Variants in RAI1 observed in about 807,000 individuals in gnomAD.
RAI1 encodes the protein retinoic acid-induced protein 1.
A neutral mutation model predicts 123.8 loss-of-function variants in RAI1; 9 were observed. That is an observed-to-expected ratio of 0.07 (90% CI 0.04 to 0.13). The LOEUF (loss-of-function observed/expected upper bound fraction) is 0.13, where lower values mean the gene tolerates loss of function less well. RAI1 is among the 10% of genes least tolerant of loss of function. The pLI, the probability that RAI1 is intolerant of heterozygous loss-of-function variation, is 1.00. For synonymous variants in RAI1, 1,231 were observed against 1,127.3 expected (o/e 1.09, Z -1.84); for missense variants, 2,256 against 2,545.8 (o/e 0.89, Z 2.45).
At chr17:17,715,330 G>A (rs368304821) in intron 1 of RAI1, among the ~76,000 whole-genome samples, 49 of 152,236 alleles carry the variant, frequency 3.2e-4, no homozygotes, top group African/African-American at 1.1e-3. Context: ...GCAGTGGTTT[G>A]GGCTCCACCC....
Position 17,809,497 on chromosome 17 carries a change from C to T in RAI1, c.5709+58C>T, listed in dbSNP as rs1187955511. 1.3e-6 allele frequency: 2 copies of T among 1,502,358 alleles called. No individual in the cohort carries two copies. The highest frequency in any genetic ancestry group is 1.9e-6 in the Non-Finnish European group (2 of 1,080,838). 93.1% of individuals were successfully genotyped at this position (1,502,358 alleles called of 1,614,324 possible). A position where few individuals can be genotyped will look rare whatever the true frequency, so the allele number is the denominator to read the frequency against. ...GTGTCAAGCGGGAGAGGAGCCCCACCTCGCACCTCCTTCACAGTCCCCTGG... is the reference window on the plus strand; with the variant it reads ...GTGTCAAGCGGGAGAGGAGCCCCACTTCGCACCTCCTTCACAGTCCCCTGG... On this transcript the variant is annotated intron_variant, in intron 5 of 5. Coordinates refer to ENST00000353383, the MANE Select transcript of RAI1 (RefSeq NM_030665.4). The surrounding 1 kb of genome is among the most constrained non-coding windows in gnomAD (Gnocchi z 4.9).
rs529394637 is a variant in RAI1, at chr17:17,795,930, G to T, written c.2982G>T (p.Arg994=). Residue 994 remains arginine (R), a synonymous_variant, in exon 3 of 6, where the codon CGG becomes CGT. Transcript: ENST00000353383. The surrounding 1 kb of genome is among the most constrained non-coding windows in gnomAD (Gnocchi z 5.9). ...TCGCAAAGAAAGAGCCTGTGCCACG[G>T]GGCAAAAGCTTACGGAGCCGTCGGG... ...APIAKKEPVP[R]GKSLRSRRVH... is the part of the protein sequence containing the mutation. 2.2e-5 allele frequency: 35 copies of T among 1,609,474 alleles called. No individual in the cohort carries two copies. In the East Asian group the frequency reaches 3.8e-4, roughly 17 times the overall value.
At position 17,800,252 on chromosome 17, in the gene RAI1, T is replaced by C. The variant is rs1277867620; in HGVS notation, c.5565+1739T>C. ...TCATTACTGGCTCCTTCCCAGCGCC[T>C]TGAAACAGGTTCAAGTCTCTCCCGT... On this transcript the variant is annotated intron_variant, in intron 3 of 5. Coordinates refer to ENST00000353383, the MANE Select transcript of RAI1 (RefSeq NM_030665.4). This position sits in a 1 kb window ranked among gnomAD's most constrained non-coding sequence, Gnocchi z 4.7. Among the ~76,000 whole-genome samples, 1 of 144,954 alleles carries C rather than the reference T, an allele frequency of 6.9e-6. No homozygotes were observed. Among genetic ancestry groups the C allele is most frequent in the Non-Finnish European group, 1.5e-5 (1 of 66,190 alleles).
At chr17:17,754,070 A>G (rs1001285769) in intron 2 of RAI1, among the ~76,000 whole-genome samples, 7 of 152,176 alleles carry the variant, frequency 4.6e-5, no homozygotes, top group African/African-American at 1.7e-4. Context: ...TGGTTGTACA[A>G]GTTGTACATT....
At chr17:17,758,146 C>T (rs1034898652) in intron 2 of RAI1, among the ~76,000 whole-genome samples, 1 of 152,216 alleles carries the variant, frequency 6.6e-6, no homozygotes, top group African/African-American at 2.4e-5. Flanking sequence ...TTTTACATAG[C>T]AACTGTTACC....
chr17:17,690,836 G>A (rs1467329202), intron 1 of RAI1, among the ~76,000 whole-genome samples: 1 of 152,186 alleles, frequency 6.6e-6, no homozygotes, highest in Non-Finnish European at 1.5e-5. Flanking sequence ...CTTAACTCCT[G>A]TAGCAAAGTC....
chr17:17,697,837 G>A (rs1291632879), intron 1 of RAI1, among the ~76,000 whole-genome samples: 1 of 152,214 alleles, frequency 6.6e-6, no homozygotes, highest in Non-Finnish European at 1.5e-5. Flanking sequence ...ATCCACAGCA[G>A]GTCACACGTT....
At position 17,800,567 on chromosome 17, in the gene RAI1, T is replaced by C. The variant is rs112519366; in HGVS notation, c.5565+2054T>C. Among the ~76,000 whole-genome samples, 7 of 152,224 alleles carry C rather than the reference T, an allele frequency of 4.6e-5. No homozygotes were observed. The highest frequency in any genetic ancestry group is 1.4e-4 in the African/African-American group (6 of 41,544). ...CGCCCATGCACACACAAGGTCCTGC[T>C]GGACTGAGGAGACAGTGTGTGTTGG... is the stretch of plus-strand genomic sequence containing the variant. On this transcript the variant is annotated intron_variant, in intron 3 of 5. Transcript: ENST00000353383. This position sits in a 1 kb window ranked among gnomAD's most constrained non-coding sequence, Gnocchi z 4.7.
chr17:17,794,279 A>C lies in RAI1; in HGVS notation c.1331A>C (p.Asn444Thr). 6.2e-7 allele frequency: 1 copy of C among 1,613,202 alleles called. No homozygotes were observed. The highest frequency in any genetic ancestry group is 8.5e-7 in the Non-Finnish European group (1 of 1,180,014). ...SLTALTSQVE[N>T]ISNTVQQLLL... The stretch of plus-strand genomic sequence containing the variant: ...ACGGCGCTGACCTCACAGGTGGAGA[A>C]CATCTCCAACACCGTCCAGCAGCTG... Residue 444 changes from asparagine to threonine, a missense_variant, in exon 3 of 6, where the codon AAC becomes ACC. Physicochemically the swap from Asn to Thr is moderately conservative, Grantham distance 65 (BLOSUM62 0). Coordinates refer to ENST00000353383, the MANE Select transcript of RAI1 (RefSeq NM_030665.4).
In RAI1 at chr17:17,794,112, C is replaced by T. The variant is rs2032137195; in HGVS notation, c.1164C>T (p.Asp388=). Residue 388 remains aspartate (D), a synonymous_variant, in exon 3 of 6, where the codon GAC becomes GAT. Coordinates refer to ENST00000353383, the MANE Select transcript of RAI1 (RefSeq NM_030665.4). ...STGAFPAGIT[D]HSHFMPLLNP... is the part of the protein sequence containing the mutation. ...GGGCCTTCCCCGCAGGGATCACTGA[C>T]CACAGCCACTTCATGCCCCTGCTCA... 1 of 1,613,992 alleles carries T rather than the reference C, an allele frequency of 6.2e-7. No individual in the cohort carries two copies. The highest frequency in any genetic ancestry group is 8.5e-7 in the Non-Finnish European group (1 of 1,180,058).
intron 2 of RAI1, among the ~76,000 whole-genome samples, chr17:17,783,578 T>G (rs1255538566): frequency 1.3e-5 from 2 of 152,144 alleles, no homozygotes; most frequent in Non-Finnish European, 2.9e-5. Flanking sequence ...CACCCTGCGC[T>G]GCTCCCCGTC....
In RAI1 at chr17:17,796,933, C is replaced by T. The variant is rs775032757; in HGVS notation, c.3985C>T (p.Leu1329=). The T allele has an allele frequency of 1.6e-5, 26 of 1,613,452 alleles. No individual in the cohort carries two copies. Among genetic ancestry groups the T allele is most frequent in the Non-Finnish European group, 2.2e-5 (26 of 1,180,050 alleles). ...ACCCCGGAAGGGCCGGGGCCTGAAG[C>T]TGGAAGCCATCGTGCAGAAGATCAC... The part of the protein sequence containing the change: ...LPPRKGRGLK[L]EAIVQKITSP... Residue 1329 remains leucine, a synonymous_variant, in exon 3 of 6, where the codon CTG becomes TTG. Coordinates refer to ENST00000353383, the MANE Select transcript of RAI1 (RefSeq NM_030665.4). The surrounding 1 kb of genome is among the most constrained non-coding windows in gnomAD (Gnocchi z 5.8).
At chr17:17,780,880 C>T (rs1214782835) in intron 2 of RAI1, among the ~76,000 whole-genome samples, 1 of 152,222 alleles carries the variant, frequency 6.6e-6, no homozygotes, top group Non-Finnish European at 1.5e-5. Context: ...CCCTGTCTCT[C>T]CCCTTCTGGG....
In RAI1 at chr17:17,757,529, C is replaced by T. The variant is rs149460820; in HGVS notation, c.-17+33370C>T. Among the ~76,000 whole-genome samples, 216 of 152,296 alleles carry T rather than the reference C, an allele frequency of 1.4e-3. 1 individual carries two copies. The highest frequency in any genetic ancestry group is 5.0e-3 in the African/African-American group (207 of 41,562). On this transcript the variant is annotated intron_variant, in intron 2 of 5. Transcript: ENST00000353383. The stretch of plus-strand genomic sequence containing the variant: ...GCTCCACCTTCCCCCTCGGGCACTG[C>T]GGCTTTCTTGGGACAGCAGGACCCC...
chr17:17,744,303 G>A (rs1390368911), intron 2 of RAI1, among the ~76,000 whole-genome samples: 1 of 152,180 alleles, frequency 6.6e-6, no homozygotes, highest in East Asian at 1.9e-4. Context: ...AAGAGCCTCA[G>A]TCTGCTGTTC....
Position 17,809,085 on chromosome 17 carries a change from G to C in RAI1, c.5660-305G>C, listed in dbSNP as rs970844507. On this transcript the variant is annotated intron_variant, in intron 4 of 5. Coordinates refer to ENST00000353383, the MANE Select transcript of RAI1 (RefSeq NM_030665.4). This position sits in a 1 kb window ranked among gnomAD's most constrained non-coding sequence, Gnocchi z 4.9. Reference sequence around the variant, plus strand: ...ACAAGTGTGGCTGGCAGAGTAAGGCGGGAGGGAGGGAGGGACTGAGGGACT... The same window carrying C: ...ACAAGTGTGGCTGGCAGAGTAAGGCCGGAGGGAGGGAGGGACTGAGGGACT... 1.1e-5 allele frequency: 5 copies of C among 468,018 alleles called. No individual in the cohort carries two copies. Among genetic ancestry groups the C allele is most frequent in the South Asian group, 8.4e-5 (4 of 47,382 alleles). 29.0% of individuals were successfully genotyped at this position (468,018 alleles called of 1,614,324 possible).
intron 1 of RAI1, chr17:17,684,436 A>G (rs1235324131): frequency 6.6e-6 from 1 of 152,068 alleles, no homozygotes; most frequent in Non-Finnish European, 1.5e-5. Context: ...AATTTGAAAA[A>G]AACAAGCCTA....
At chr17:17,803,141 C>T (rs1197436656) in intron 3 of RAI1, among the ~76,000 whole-genome samples, 1 of 151,534 alleles carries the variant, frequency 6.6e-6, no homozygotes. Flanking sequence ...ACACCACGCC[C>T]AGCACACCAG....
At chr17:17,693,260 G>A (rs1197716307) in intron 1 of RAI1, among the ~76,000 whole-genome samples, 1 of 152,124 alleles carries the variant, frequency 6.6e-6, no homozygotes, top group Non-Finnish European at 1.5e-5. Context: ...CATGAAACCA[G>A]GGCATCATTC....
Sources: gnomAD v4.1 joint callset for allele counts (sites outside exome capture counted in the v4.1 genomes callset) on GRCh38, gnomAD v4.1.1 for gene constraint, Gnocchi (gnomAD v3.1) non-coding constraint, MANE v1.5 for transcripts, NCBI Gene and HGNC (gene_info 2026-07-23, HGNC 2026-07-21) for gene names.